Variants in ASCC3 observed in about 807,000 individuals in gnomAD.
The protein encoded by ASCC3 is activating signal cointegrator 1 complex subunit 3.
A neutral mutation model predicts 256.3 loss-of-function variants in ASCC3; 158 were observed. That is an observed-to-expected ratio of 0.62 (90% CI 0.54 to 0.70). The LOEUF is 0.70. Among genes scored for constraint, ASCC3 ranks in the 30% least tolerant of loss-of-function variants. ASCC3 has a pLI of 0.00. For missense variants in ASCC3, 2,259 were observed against 2,626.0 expected, an observed-to-expected ratio of 0.86 and a Z score of 3.05; for synonymous variants, 948 against 883.4, an observed-to-expected ratio of 1.07 and a Z score of -1.30.
chr6:100,848,245 A>T lies in ASCC3; in HGVS notation c.704T>A (p.Leu235Ter). The change falls in exon 4 of 42, where the codon TTG becomes TAG. Residue 235 changes from leucine to a stop codon, truncating the protein, a stop_gained. Coordinates refer to ENST00000369162, the MANE Select transcript of ASCC3 (RefSeq NM_006828.4). LOFTEE classifies it high-confidence loss of function. Reference protein sequence around the residue: ...CEVEKYLNSTLKEMTEVPRVE... With the variant: ...CEVEKYLNST ...TCTTGGCACTTCAGTCATTTCCTTC[A>T]AAGTTGAATTTAGGTACTTTTCAAC... 1 of 1,614,056 alleles carries T rather than the reference A, an allele frequency of 6.2e-7. No homozygotes were observed. Among genetic ancestry groups the T allele is most frequent in the Non-Finnish European group, 8.5e-7 (1 of 1,179,990 alleles).
At position 100,848,154 on chromosome 6, in the gene ASCC3, C is replaced by A; in HGVS notation, c.795G>T (p.Gln265His). Residue 265 changes from glutamine to histidine, a missense_variant, in exon 4 of 42, where the codon CAG (glutamine) becomes CAT (histidine). Around this residue, in one of 2 missense-constraint regions of ASCC3, gnomAD observed 420 missense variants for 419.3 expected, o/e 1.00. Transcript: ENST00000369162. ...LASIKSGDEL[Q>H]DELFELLGPE... ...TAAATCATTTCAACTATACCTCATC[C>A]TGAAGTTCATCACCACTTTTAATAG... The A allele has an allele frequency of 6.3e-7, 1 of 1,589,710 alleles. No individual in the cohort carries two copies.
intron 30 of ASCC3, 88 bp downstream of exon 30, chr6:100,625,104 C>G: frequency 1.3e-6 from 2 of 1,495,004 alleles, no homozygotes; most frequent in South Asian, 2.3e-5. Context: ...TTCTTCTTTC[C>G]CTATAATACA....
intron 13 of ASCC3, among the ~76,000 whole-genome samples, chr6:100,687,034 T>TCA (rs71028030): frequency 0.021 from 2,729 of 130,638 alleles, 46 homozygotes; most frequent in South Asian, 0.058. Flanking sequence ...TCTCTCTCTC[T>TCA]CACACACACA....
intron 25 of ASCC3, among the ~76,000 whole-genome samples, chr6:100,633,312 T>C (rs1360213754): frequency 1.3e-5 from 2 of 152,166 alleles, no homozygotes; most frequent in African/African-American, 4.8e-5. Flanking sequence ...ACTTAGTAAC[T>C]GTCTTGTTTA....
At position 100,512,797 on chromosome 6, in the gene ASCC3, C is replaced by T. The variant is rs145420307; in HGVS notation, c.6197G>A (p.Arg2066Gln). 2.8e-5 allele frequency: 45 copies of T among 1,613,980 alleles called. No homozygotes were observed. Among genetic ancestry groups the T allele is most frequent in the Non-Finnish European group, 3.7e-5 (44 of 1,179,994 alleles). Reference sequence around the variant, plus strand: ...CAATTTGATCCATTTGTTGTCATCTCGTTTGTCTGCAGTCAGAGTTGAGAC... The same window carrying T: ...CAATTTGATCCATTTGTTGTCATCTTGTTTGTCTGCAGTCAGAGTTGAGAC... ...LSVSTLTADK[R>Q]DDNKWIKLHA... is the part of the protein sequence containing the mutation. The change falls in exon 40 of 42, where the codon CGA (arginine) becomes CAA (glutamine). Residue 2066 changes from arginine to glutamine, a missense_variant. Transcript: ENST00000369162.
At chr6:100,745,864 TATCAATCAGTAACCTTTTAGTCTTTTCCC>T (rs1342549255) in intron 10 of ASCC3, among the ~76,000 whole-genome samples, 3 of 152,198 alleles carry the variant, frequency 2.0e-5, no homozygotes, top group African/African-American at 7.2e-5. Context: ...AGTCTTTTTC[TATCAATCAGTAACCTTTTAGTCTTTTCCC>T]ATCAATCAGT....
At chr6:100,721,049 C>T (rs1285109081) in intron 11 of ASCC3, among the ~76,000 whole-genome samples, 1 of 150,692 alleles carries the variant, frequency 6.6e-6, no homozygotes, top group African/African-American at 2.4e-5. Context: ...ATAATGCCTG[C>T]TTAAAAATAT....
At chr6:100,818,583 AAG>A (rs1224631329) in intron 4 of ASCC3, among the ~76,000 whole-genome samples, 8 of 143,892 alleles carry the variant, frequency 5.6e-5, no homozygotes, top group South Asian at 2.2e-4. Context: ...AAAAAAAAAA[AAG>A]AAGAAGAAAA....
intron 36 of ASCC3, among the ~76,000 whole-genome samples, chr6:100,566,457 G>A (rs1395884758): frequency 6.6e-6 from 1 of 152,050 alleles, no homozygotes; most frequent in Non-Finnish European, 1.5e-5. Context: ...ACATTCACAG[G>A]TCATTCCCCA....
chr6:100,540,404 G>C lies in ASCC3; in HGVS notation c.5551-17C>G. 7.5e-7 allele frequency: 1 copy of C among 1,341,342 alleles called. No individual in the cohort carries two copies. Among genetic ancestry groups the C allele is most frequent in the Non-Finnish European group, 1.1e-6 (1 of 945,898 alleles). 83.1% of individuals were successfully genotyped at this position (1,341,342 alleles called of 1,614,324 possible). ...TTCTGCATCCTGAAAAAAAAAAAAA[G>C]CCCCACATTGTTGGATCAAAGTATA... On this transcript the variant is annotated splice_polypyrimidine_tract_variant and intron_variant, in intron 36 of 41. Transcript: ENST00000369162.
At chr6:100,696,335 T>C (rs1169980779) in intron 13 of ASCC3, among the ~76,000 whole-genome samples, 1 of 152,144 alleles carries the variant, frequency 6.6e-6, no homozygotes, top group Non-Finnish European at 1.5e-5. Context: ...ATCTCCTTTT[T>C]TTCACATTGA....
At chr6:100,624,174 A>C (rs1404531092) in intron 30 of ASCC3, among the ~76,000 whole-genome samples, 1 of 151,970 alleles carries the variant, frequency 6.6e-6, no homozygotes, top group Non-Finnish European at 1.5e-5. Flanking sequence ...AAGTTACCTA[A>C]TACAGCAGGT....
chr6:100,532,184 A>T (rs1270394655), intron 37 of ASCC3, among the ~76,000 whole-genome samples: 2 of 151,196 alleles, frequency 1.3e-5, no homozygotes, highest in African/African-American at 4.8e-5. Flanking sequence ...TTAACTGCTA[A>T]TCACTGTGGT....
chr6:100,692,398 T>C (rs375652113), intron 13 of ASCC3, among the ~76,000 whole-genome samples: 42 of 152,192 alleles, frequency 2.8e-4, no homozygotes, highest in Middle Eastern at 3.4e-3. Flanking sequence ...CACGTCTAAA[T>C]TGTTCTTAGC....
chr6:100,855,342 C>T (rs1772893465), intron 3 of ASCC3, among the ~76,000 whole-genome samples: 1 of 152,184 alleles, frequency 6.6e-6, no homozygotes, highest in Admixed American at 6.5e-5. Flanking sequence ...GTCTCAAACT[C>T]CTGAGCTCAA....
chr6:100,689,178 T>C (rs969576665), intron 13 of ASCC3, among the ~76,000 whole-genome samples: 2 of 152,174 alleles, frequency 1.3e-5, no homozygotes, highest in African/African-American at 4.8e-5. Flanking sequence ...CCATCACACG[T>C]TGTTCATACT....
intron 4 of ASCC3, among the ~76,000 whole-genome samples, chr6:100,829,067 A>T (rs1771482166): frequency 6.6e-6 from 1 of 152,136 alleles, no homozygotes; most frequent in African/African-American, 2.4e-5. Context: ...TCCCCACCAG[A>T]GTAGCTAGAT....
intron 30 of ASCC3, among the ~76,000 whole-genome samples, chr6:100,616,637 C>A (rs1167479972): frequency 2.6e-5 from 4 of 152,158 alleles, no homozygotes; most frequent in African/African-American, 9.7e-5. Context: ...ACCTTTCCTG[C>A]TTCAGATTTT....
rs1772852337 is a variant in ASCC3 at position 100,605,755 on chromosome 6, T to C, written c.5045-55A>G. 5.8e-6 allele frequency: 9 copies of C among 1,559,980 alleles called. No individual in the cohort carries two copies. The Admixed American group carries it at 6.7e-5, about 12-fold the overall frequency. The stretch of plus-strand genomic sequence containing the variant: ...ACAATGTGGCATATAGCACAAGGTA[T>C]ATTTACTGATTATGGCATGCTTCTA... On this transcript the variant is annotated intron_variant, in intron 32 of 41. Transcript: ENST00000369162.
Sources: gnomAD v4.1 joint callset for allele counts (sites outside exome capture counted in the v4.1 genomes callset) on GRCh38, gnomAD v4.1.1 for gene constraint, gnomAD v4.1.1 regional missense constraint, MANE v1.5 for transcripts, NCBI Gene and HGNC (gene_info 2026-07-23, HGNC 2026-07-21) for gene names.